The following ZNF365 variants were observed in gnomAD, a reference collection of about 807,000 sequenced individuals.
The protein encoded by ZNF365 is protein ZNF365.
In ZNF365, 22 loss-of-function variants were observed where a neutral mutation model predicts 35.0. The ratio of observed to expected loss-of-function variants is 0.63; its 90% CI spans 0.45 to 0.90. The LOEUF (loss-of-function observed/expected upper bound fraction) is 0.90. Ranked by LOEUF, ZNF365 falls within the 40% of genes least tolerant of loss-of-function variation. The probability of loss-of-function intolerance (pLI) is 0.00; values close to 1 mark genes in which losing one functional copy is unlikely to be tolerated. For synonymous variants in ZNF365, 188 were observed against 196.2 expected (o/e 0.96, Z 0.35); for missense variants, 448 against 500.3 (o/e 0.90, Z 1.00).
downstream of ZNF365, among the ~76,000 whole-genome samples, chr10:62,403,455 G>A (rs1324037195): frequency 6.6e-6 from 1 of 152,114 alleles, no homozygotes; most frequent in Non-Finnish European, 1.5e-5. Flanking sequence ...TCAGGAGATC[G>A]AGACCATCCT....
rs143098016 is a variant in ZNF365, at chr10:62,383,449, A to T, written c.744-4947A>T. On this transcript the variant is annotated intron_variant, in intron 2 of 4. Coordinates refer to ENST00000395254, the MANE Select transcript of ZNF365 (RefSeq NM_014951.3). ...TGATAATTAATTGTGGGGGCTTGGG[A>T]AGAGGAGGAGGAATGACCCTGGCAG... 1.3e-4 allele frequency among the ~76,000 whole-genome samples: 20 copies of T among 152,290 alleles called. No individual in the cohort carries two copies. The East Asian group carries it at 3.9e-3, about 29-fold the overall frequency.
At chr10:62,476,820 G>A (rs1423394864) in intron 4 of ZNF365, among the ~76,000 whole-genome samples, 1 of 152,158 alleles carries the variant, frequency 6.6e-6, no homozygotes, top group Non-Finnish European at 1.5e-5. Context: ...TCAGAAAGCA[G>A]AAAAATACCA....
chr10:62,436,279 T>C (rs1039246449), intron 3 of ZNF365, among the ~76,000 whole-genome samples: 1 of 152,122 alleles, frequency 6.6e-6, no homozygotes, highest in Non-Finnish European at 1.5e-5. Flanking sequence ...CCAACAGCCA[T>C]ATAAATTAAA....
chr10:62,463,584 A>G (rs905037392), intron 4 of ZNF365, among the ~76,000 whole-genome samples: 3 of 152,256 alleles, frequency 2.0e-5, no homozygotes, highest in Non-Finnish European at 4.4e-5. Context: ...CTTAGTAATA[A>G]CTATAATCAA....
At chr10:62,423,489 A>G (rs184404917) in intron 3 of ZNF365, among the ~76,000 whole-genome samples, 154 of 152,322 alleles carry the variant, frequency 1.0e-3, no homozygotes, top group African/African-American at 3.5e-3. Context: ...GGTACATTCA[A>G]TCATTCCAGT....
chr10:62,377,179 A>G (rs1013075084), intron 2 of ZNF365, among the ~76,000 whole-genome samples: 8 of 152,210 alleles, frequency 5.3e-5, no homozygotes, highest in African/African-American at 1.9e-4. Context: ...GAATTTGTAA[A>G]CCACAGACTA....
chr10:62,441,891 A>G (rs564563307), intron 3 of ZNF365, among the ~76,000 whole-genome samples: 3 of 152,174 alleles, frequency 2.0e-5, no homozygotes, highest in Non-Finnish European at 4.4e-5. Flanking sequence ...TTCAGGTGGG[A>G]GGCAGAATAG....
At chr10:62,476,056 A>T (rs541794368) in intron 4 of ZNF365, among the ~76,000 whole-genome samples, 9 of 152,238 alleles carry the variant, frequency 5.9e-5, no homozygotes, top group South Asian at 2.1e-4. Context: ...GAGACATATT[A>T]AAAAACCTTG....
intron 3 of ZNF365, among the ~76,000 whole-genome samples, chr10:62,427,678 C>CA (rs1044907927): frequency 6.6e-6 from 1 of 152,128 alleles, no homozygotes; most frequent in African/African-American, 2.4e-5. Context: ...TGCATTGCTT[C>CA]ACGGTGTTAC....
At chr10:62,395,273 A>G (rs977898149) in intron 3 of ZNF365, among the ~76,000 whole-genome samples, 5 of 152,082 alleles carry the variant, frequency 3.3e-5, no homozygotes, top group East Asian at 1.9e-4. Context: ...TGATGATATC[A>G]AAGACGTGGC....
chr10:62,415,307 G>A (rs1007828521), intron 3 of ZNF365, among the ~76,000 whole-genome samples: 3 of 151,836 alleles, frequency 2.0e-5, no homozygotes, highest in East Asian at 1.9e-4. Flanking sequence ...CAGTGTGTTC[G>A]CCCTTTCCAC....
intron 3 of ZNF365, among the ~76,000 whole-genome samples, chr10:62,427,630 G>A (rs1438774749): frequency 6.6e-6 from 1 of 152,076 alleles, no homozygotes; most frequent in Non-Finnish European, 1.5e-5. Context: ...TTAACACTTG[G>A]TCATTTCTCT....
chr10:62,457,181 A>T (rs1158342605), intron 3 of ZNF365, among the ~76,000 whole-genome samples: 3 of 152,178 alleles, frequency 2.0e-5, no homozygotes, highest in Non-Finnish European at 4.4e-5. Flanking sequence ...AGCTGCACAA[A>T]CATGTGTACC....
At chr10:62,406,491 A>G (rs2132435529), downstream of ZNF365, among the ~76,000 whole-genome samples, 1 of 152,232 alleles carries the variant, frequency 6.6e-6, no homozygotes, top group Admixed American at 6.5e-5. Context: ...TATCCCTAGT[A>G]TGTCCCCAGT....
chr10:62,436,603 T>C (rs1840411458), intron 3 of ZNF365, among the ~76,000 whole-genome samples: 1 of 152,234 alleles, frequency 6.6e-6, no homozygotes, highest in South Asian at 2.1e-4. Flanking sequence ...GAAATTTTTA[T>C]TCACTAAGAA....
At chr10:62,442,386 A>G (rs945671781) in intron 3 of ZNF365, among the ~76,000 whole-genome samples, 4 of 152,208 alleles carry the variant, frequency 2.6e-5, no homozygotes, top group Non-Finnish European at 4.4e-5. Context: ...TCACAACTAT[A>G]GAACAGATGA....
At chr10:62,415,823 A>G (rs1840064853) in intron 3 of ZNF365, among the ~76,000 whole-genome samples, 1 of 152,146 alleles carries the variant, frequency 6.6e-6, no homozygotes, top group Admixed American at 6.5e-5. Context: ...TTAAATTGCC[A>G]ATTTGTTAAA....
intron 3 of ZNF365, among the ~76,000 whole-genome samples, chr10:62,415,435 G>A (rs371750290): frequency 1.2e-4 from 18 of 152,012 alleles, no homozygotes; most frequent in Non-Finnish European, 2.4e-4. Context: ...CTGTTATTAC[G>A]ATATTGTTTC....
At chr10:62,434,128 C>T (rs1840372234) in intron 3 of ZNF365, among the ~76,000 whole-genome samples, 2 of 152,206 alleles carry the variant, frequency 1.3e-5, no homozygotes, top group African/African-American at 2.4e-5. Flanking sequence ...GAATCCGAAT[C>T]AGCAGGGTGA....
Sources: allele counts gnomAD v4.1 joint callset (sites outside exome capture counted in the v4.1 genomes callset), GRCh38; gene constraint gnomAD v4.1.1; transcripts MANE v1.5; gene names NCBI Gene and HGNC (gene_info 2026-07-23, HGNC 2026-07-21).